The following EBF1 variants were observed in gnomAD, a reference collection of about 807,000 sequenced individuals.
EBF1 encodes EBF transcription factor 1.
A neutral mutation model predicts 68.4 loss-of-function variants in EBF1; 10 were observed. The ratio of observed to expected loss-of-function variants is 0.15; its 90% CI spans 0.09 to 0.25. EBF1 has a LOEUF of 0.25. Ranked by LOEUF, EBF1 falls within the 10% of genes least tolerant of loss-of-function variation. The pLI is 1.00. For synonymous variants in EBF1, 298 were observed against 299.8 expected (o/e 0.99, Z 0.06); for missense variants, 509 against 794.4 (o/e 0.64, Z 4.32).
At chr5:158,753,865 T>C (rs1172276026) in intron 10 of EBF1, among the ~76,000 whole-genome samples, 1 of 152,126 alleles carries the variant, frequency 6.6e-6, no homozygotes, top group Non-Finnish European at 1.5e-5. Context: ...CCACAAAACT[T>C]ACCTGCATGA....
At chr5:159,051,632 C>A (rs966139367) in intron 6 of EBF1, among the ~76,000 whole-genome samples, 13 of 151,892 alleles carry the variant, frequency 8.6e-5, no homozygotes, top group Admixed American at 5.2e-4. Context: ...GGCACCAGGG[C>A]TGGATTTATA....
chr5:159,049,979 T>C (rs1419405833), intron 6 of EBF1, among the ~76,000 whole-genome samples: 3 of 151,946 alleles, frequency 2.0e-5, no homozygotes, highest in African/African-American at 4.8e-5. Context: ...AGGCAGAAAA[T>C]GAAGCACTAA....
At chr5:159,041,360 T>C (rs535601277) in intron 6 of EBF1, among the ~76,000 whole-genome samples, 4 of 152,326 alleles carry the variant, frequency 2.6e-5, no homozygotes, top group Middle Eastern at 6.8e-3. Context: ...AGAAATCTTT[T>C]AGATCACTGC....
At chr5:158,843,503 T>A (rs1790757147) in intron 6 of EBF1, among the ~76,000 whole-genome samples, 1 of 152,192 alleles carries the variant, frequency 6.6e-6, no homozygotes, top group Non-Finnish European at 1.5e-5. Flanking sequence ...AGCTGGCCTG[T>A]CACTTGGCAT....
At chr5:159,063,851 A>G (rs1264356144) in intron 6 of EBF1, among the ~76,000 whole-genome samples, 2 of 152,192 alleles carry the variant, frequency 1.3e-5, no homozygotes, top group African/African-American at 2.4e-5. Context: ...GCCCAGTGCT[A>G]GGTGTTTCAA....
chr5:158,966,529 G>A (rs548952637), intron 6 of EBF1, among the ~76,000 whole-genome samples: 303 of 152,256 alleles, frequency 2.0e-3, no homozygotes, highest in African/African-American at 7.1e-3. Flanking sequence ...GGCTCACAGA[G>A]AGAAATATCA....
chr5:158,760,903 T>TCC (rs1368404729), intron 10 of EBF1, among the ~76,000 whole-genome samples: 1 of 152,218 alleles, frequency 6.6e-6, no homozygotes, highest in Non-Finnish European at 1.5e-5. Context: ...AGATGCAGTA[T>TCC]CTGAAAGGGA....
At chr5:159,090,499 G>A (rs1410539886) in intron 4 of EBF1, among the ~76,000 whole-genome samples, 1 of 152,110 alleles carries the variant, frequency 6.6e-6, no homozygotes, top group African/African-American at 2.4e-5. Flanking sequence ...AGCTAAGCAG[G>A]CCCGTTTTCA....
At chr5:158,708,952 T>C (rs546997163) in intron 14 of EBF1, among the ~76,000 whole-genome samples, 4 of 152,330 alleles carry the variant, frequency 2.6e-5, no homozygotes, top group African/African-American at 9.6e-5. Context: ...TAACCAATGA[T>C]GGGAAAACTC....
intron 6 of EBF1, among the ~76,000 whole-genome samples, chr5:158,879,341 A>G (rs965828923): frequency 6.6e-6 from 1 of 152,218 alleles, no homozygotes; most frequent in Admixed American, 6.5e-5. Context: ...AAGAGAGTAC[A>G]TGCGTCAAGA....
At chr5:159,071,327 T>A (rs1777759352) in intron 6 of EBF1, among the ~76,000 whole-genome samples, 2 of 152,154 alleles carry the variant, frequency 1.3e-5, no homozygotes, top group Admixed American at 1.3e-4. Flanking sequence ...GAGACCAAGA[T>A]TGGCTACACA....
Position 158,838,460 on chromosome 5 carries a change from A to AC in EBF1, c.636+1568_636+1569insG, listed in dbSNP as rs1247079031. Among the ~76,000 whole-genome samples the AC allele has an allele frequency of 4.0e-5, 6 of 151,040 alleles. No individual in the cohort carries two copies. In the East Asian group the frequency reaches 1.2e-3, roughly 29 times the overall value. ...GACTCCATCTCAAAAAAAAAAAAAA[A>AC]ACGAAAGAAAAGAAAAAAAGAAACA... On this transcript the variant is annotated intron_variant, in intron 7 of 15. Transcript: ENST00000313708.
chr5:158,884,348 T>C (rs1799569815), intron 6 of EBF1, among the ~76,000 whole-genome samples: 1 of 152,206 alleles, frequency 6.6e-6, no homozygotes, highest in African/African-American at 2.4e-5. Flanking sequence ...CTTTTGTAGA[T>C]GAGAAATATG....
At chr5:158,843,445 G>A (rs375297667) in intron 6 of EBF1, among the ~76,000 whole-genome samples, 11 of 152,332 alleles carry the variant, frequency 7.2e-5, no homozygotes, top group South Asian at 2.1e-4. Flanking sequence ...GCAGCCCATC[G>A]TTAGCACAAA....
intron 6 of EBF1, among the ~76,000 whole-genome samples, chr5:158,965,528 G>A (rs942543283): frequency 2.0e-5 from 3 of 152,174 alleles, no homozygotes; most frequent in African/African-American, 7.2e-5. Context: ...AATCCATACA[G>A]TTAAATCACG....
At position 158,697,655 on chromosome 5, in the gene EBF1, T is replaced by C; in HGVS notation, c.*1456A>G. On this transcript the variant is annotated 3_prime_UTR_variant, in exon 16 of 16. Coordinates refer to ENST00000313708, the MANE Select transcript of EBF1 (RefSeq NM_024007.5). ...GTGCAAGCTAAAGGTAGTGAGCTTT[T>C]TTTCTTTGCAAAATACGCAGTAAAA... 1 of 204,460 alleles carries C rather than the reference T, an allele frequency of 4.9e-6. No homozygotes were observed. The highest frequency in any genetic ancestry group is 7.5e-5 in the East Asian group (1 of 13,372). The allele number at this position is 204,460 out of a possible 1,614,324, so 12.7% of individuals were successfully genotyped here.
chr5:159,084,809 G>A, intron 4 of EBF1, 70 bp from the exon 5 acceptor site: 3 of 1,376,612 alleles, frequency 2.2e-6, no homozygotes, highest in Non-Finnish European at 2.9e-6. Context: ...AATCACAATT[G>A]AGTTCTTAAC....
At chr5:159,087,994 T>C (rs763850757) in intron 4 of EBF1, among the ~76,000 whole-genome samples, 3 of 152,064 alleles carry the variant, frequency 2.0e-5, no homozygotes, top group Non-Finnish European at 4.4e-5. Flanking sequence ...GCTGCCTCCA[T>C]GACTTCTGAA....
At chr5:159,030,312 T>C (rs1331750166) in intron 6 of EBF1, among the ~76,000 whole-genome samples, 4 of 152,218 alleles carry the variant, frequency 2.6e-5, no homozygotes, top group Non-Finnish European at 5.9e-5. Context: ...CTAACCTTTT[T>C]TTAATGTTTA....
Sources: gnomAD v4.1 joint callset for allele counts (sites outside exome capture counted in the v4.1 genomes callset) on GRCh38, gnomAD v4.1.1 for gene constraint, MANE v1.5 for transcripts, NCBI Gene and HGNC (gene_info 2026-07-23, HGNC 2026-07-21) for gene names.